Variants in GNAT3 observed in about 807,000 individuals in gnomAD.
GNAT3 encodes the protein G protein subunit alpha transducin 3, also known as guanine nucleotide-binding protein G(t) subunit alpha-3.
A neutral mutation model predicts 37.7 loss-of-function variants in GNAT3; 31 were observed. The observed-to-expected ratio is 0.82, with a 90% CI of 0.62 to 1.11. The LOEUF (loss-of-function observed/expected upper bound fraction) is 1.11, where lower values mean the gene tolerates loss of function less well. GNAT3 is among the 50% of genes most tolerant of loss of function. The pLI, the probability that GNAT3 is intolerant of heterozygous loss-of-function variation, is 0.00. For synonymous variants in GNAT3, 138 were observed against 139.8 expected (o/e 0.99, Z 0.09); for missense variants, 437 against 412.5 (o/e 1.06, Z -0.51).
intron 1 of GNAT3, 77 bp from the exon 2 acceptor site, chr7:80,494,724 G>A (rs1209860168): frequency 1.2e-6 from 1 of 862,214 alleles, no homozygotes; most frequent in African/African-American, 2.0e-5. Flanking sequence ...ACTTTTCATG[G>A]ATAATCTTTA....
chr7:80,476,397 T>A (rs1346512503), intron 4 of GNAT3, among the ~76,000 whole-genome samples: 3 of 148,006 alleles, frequency 2.0e-5, no homozygotes, highest in African/African-American at 7.5e-5. Context: ...TGGTGAAGTC[T>A]ATGGTAATTC....
intron 1 of GNAT3, among the ~76,000 whole-genome samples, chr7:80,495,671 G>A (rs532441598): frequency 5.1e-4 from 77 of 152,002 alleles, no homozygotes; most frequent in African/African-American, 1.6e-3. Flanking sequence ...GTTTTACTAC[G>A]TTGGCTAGGA....
chr7:80,466,026 C>CG (rs1790123926), intron 5 of GNAT3, among the ~76,000 whole-genome samples: 1 of 152,210 alleles, frequency 6.6e-6, no homozygotes, highest in African/African-American at 2.4e-5. Flanking sequence ...ACCCCACCCA[C>CG]GGGGTTTTTA....
chr7:80,470,038 T>C lies in GNAT3; in HGVS notation c.590+4213A>G, dbSNP rs799931. On this transcript the variant is annotated intron_variant, in intron 5 of 7. Transcript: ENST00000398291. ...TATTGTTTAAATAAAGACTTGTTTTTAGAAAAATTCCTTGCATTGGAGTAA... is the reference window on the plus strand; with the variant it reads ...TATTGTTTAAATAAAGACTTGTTTTCAGAAAAATTCCTTGCATTGGAGTAA... 3.9e-3 allele frequency among the ~76,000 whole-genome samples: 600 copies of C among 152,312 alleles called. 3 individuals are homozygous for C. Among genetic ancestry groups the C allele is most frequent in the Non-Finnish European group, 6.5e-3 (439 of 68,026 alleles).
intron 1 of GNAT3, among the ~76,000 whole-genome samples, chr7:80,511,212 A>G (rs1791059129): frequency 6.6e-6 from 1 of 152,164 alleles, no homozygotes; most frequent in Non-Finnish European, 1.5e-5. Context: ...TCCTGACCTG[A>G]ATGAATATAT....
At chr7:80,485,170 G>GTGT (rs1554315736) in intron 3 of GNAT3, among the ~76,000 whole-genome samples, 24 of 146,578 alleles carry the variant, frequency 1.6e-4, no homozygotes, top group Non-Finnish European at 2.3e-4. Flanking sequence ...AATATTGTGT[G>GTGT]TTTTTTTTTT....
chr7:80,460,757 A>G (rs1387144151), intron 7 of GNAT3, among the ~76,000 whole-genome samples: 2 of 151,920 alleles, frequency 1.3e-5, no homozygotes, highest in Non-Finnish European at 2.9e-5. Context: ...CAAGAAAAAA[A>G]AAAAGATGGA....
chr7:80,474,157 T>C (rs141892597), intron 5 of GNAT3, 94 bp downstream of exon 5: 7 of 1,239,770 alleles, frequency 5.6e-6, no homozygotes, highest in East Asian at 2.6e-5. Flanking sequence ...CAAGGATTAT[T>C]GAACCTGAAC....
intron 1 of GNAT3, among the ~76,000 whole-genome samples, chr7:80,505,853 A>G (rs988904695): frequency 1.3e-5 from 2 of 152,158 alleles, no homozygotes; most frequent in East Asian, 1.9e-4. Flanking sequence ...CTTTAATCCT[A>G]CTTTAGGTTC....
intron 1 of GNAT3, among the ~76,000 whole-genome samples, chr7:80,505,935 A>G (rs1385915632): frequency 2.0e-5 from 3 of 152,222 alleles, no homozygotes; most frequent in African/African-American, 4.8e-5. Flanking sequence ...AAAAACTGCA[A>G]TTACTTTTGC....
At chr7:80,474,916 G>C (rs1051687249) in intron 4 of GNAT3, among the ~76,000 whole-genome samples, 1 of 152,082 alleles carries the variant, frequency 6.6e-6, no homozygotes, top group East Asian at 1.9e-4. Context: ...CTAATTTGAA[G>C]GTTGTTTGTT....
chr7:80,459,692 G>A (rs1790016982), intron 7 of GNAT3, among the ~76,000 whole-genome samples: 1 of 152,130 alleles, frequency 6.6e-6, no homozygotes, highest in Admixed American at 6.5e-5. Context: ...ATGCTTTAAG[G>A]GGACTTGACA....
Position 80,462,276 on chromosome 7 carries a change from T to C in GNAT3, c.757A>G (p.Ile253Val). 1 of 1,612,968 alleles carries C rather than the reference T, an allele frequency of 6.2e-7. No individual in the cohort carries two copies. The highest frequency in any genetic ancestry group is 8.5e-7 in the Non-Finnish European group (1 of 1,179,118). Residue 253 changes from isoleucine to valine, a missense_variant, in exon 7 of 8, where the codon ATC becomes GTC. Ile to Val is a conservative substitution (Grantham distance 29, BLOSUM62 3). Coordinates refer to ENST00000398291, the MANE Select transcript of GNAT3 (RefSeq NM_001102386.3). ...MHESLHLFNS[I>V]CNHKYFSTTS... ...GTTGAAAAATACTTGTGATTACAGA[T>C]ACTGTTGAACAGGTGAAGGCTTTCA...
intron 1 of GNAT3, among the ~76,000 whole-genome samples, chr7:80,501,450 A>G (rs1790832747): frequency 6.6e-6 from 1 of 152,022 alleles, no homozygotes; most frequent in Non-Finnish European, 1.5e-5. Context: ...CTACAAAACC[A>G]AAATACTATT....
At chr7:80,507,612 G>A (rs1268710657) in intron 1 of GNAT3, among the ~76,000 whole-genome samples, 2 of 151,906 alleles carry the variant, frequency 1.3e-5, no homozygotes, top group African/African-American at 2.4e-5. Context: ...AGTACAAAAC[G>A]CATTACAGTT....
chr7:80,474,554 G>T (rs11973868), intron 4 of GNAT3, among the ~76,000 whole-genome samples, 175 bp from the exon 5 acceptor site: 11,618 of 152,070 alleles, frequency 0.076, 1,328 homozygotes, highest in African/African-American at 0.25. Flanking sequence ...TAGGTTCTAT[G>T]AAAAATGATA....
chr7:80,460,703 G>A (rs964381310), intron 7 of GNAT3, among the ~76,000 whole-genome samples: 4 of 151,814 alleles, frequency 2.6e-5, no homozygotes, highest in Admixed American at 1.3e-4. Flanking sequence ...AGCTGAGATC[G>A]TGCCACTGCA....
At chr7:80,465,202 G>C (rs529226415) in intron 5 of GNAT3, among the ~76,000 whole-genome samples, 1 of 152,074 alleles carries the variant, frequency 6.6e-6, no homozygotes, top group Non-Finnish European at 1.5e-5. Flanking sequence ...GTAAACTGGA[G>C]TTTTATTTCT....
chr7:80,466,468 T>G (rs1790132100), intron 5 of GNAT3, among the ~76,000 whole-genome samples: 1 of 152,138 alleles, frequency 6.6e-6, no homozygotes, highest in Non-Finnish European at 1.5e-5. Context: ...TTGCTCAGAT[T>G]TCCTGCAGAG....
Sources: allele counts gnomAD v4.1 joint callset (sites outside exome capture counted in the v4.1 genomes callset), GRCh38; gene constraint gnomAD v4.1.1; transcripts MANE v1.5; gene names NCBI Gene and HGNC (gene_info 2026-07-23, HGNC 2026-07-21).